The following ADAMTS14 variants were observed in gnomAD, a reference collection of about 807,000 sequenced individuals.
The protein encoded by ADAMTS14 is A disintegrin and metalloproteinase with thrombospondin motifs 14.
A neutral mutation model predicts 128.6 loss-of-function variants in ADAMTS14; 100 were observed. That is an observed-to-expected ratio of 0.78 (90% confidence interval 0.66 to 0.92). ADAMTS14 has a LOEUF of 0.92. Among genes scored for constraint, ADAMTS14 ranks in the 40% least tolerant of loss-of-function variants. The pLI is 0.00. For synonymous variants in ADAMTS14, 665 were observed against 653.8 expected (o/e 1.02, Z -0.26); for missense variants, 1,562 against 1,658.6 (o/e 0.94, Z 1.01).
At chr10:70,744,023 G>A (rs1842091783) in intron 13 of ADAMTS14, 43 bp from the exon 14 acceptor site, 2 of 1,548,148 alleles carry the variant, frequency 1.3e-6, no homozygotes, top group Non-Finnish European at 1.7e-6. Flanking sequence ...GTGGCGGTGG[G>A]GGCAGGGGAG....
At chr10:70,735,583 G>T (rs984247079) in intron 9 of ADAMTS14, among the ~76,000 whole-genome samples, 1 of 152,240 alleles carries the variant, frequency 6.6e-6, no homozygotes, top group Non-Finnish European at 1.5e-5. Flanking sequence ...CTGCAAGGGA[G>T]CCCAGGTTCC....
intron 16 of ADAMTS14, 47 bp from the exon 17 acceptor site, chr10:70,751,431 C>T: frequency 3.8e-6 from 6 of 1,575,630 alleles, no homozygotes; most frequent in Non-Finnish European, 5.2e-6. Flanking sequence ...TGCATGCCGC[C>T]CTTGCTTCTT....
At chr10:70,753,208 G>A (rs566338138) in intron 18 of ADAMTS14, among the ~76,000 whole-genome samples, 19 of 152,288 alleles carry the variant, frequency 1.2e-4, no homozygotes, top group African/African-American at 4.3e-4. Flanking sequence ...GAGCAGTTTC[G>A]TTTCCTCTAA....
At chr10:70,725,677 C>G (rs748327237) in intron 4 of ADAMTS14, among the ~76,000 whole-genome samples, 1 of 152,192 alleles carries the variant, frequency 6.6e-6, no homozygotes, top group Non-Finnish European at 1.5e-5. Flanking sequence ...AATGCCCTAT[C>G]TCCTAATACC....
At chr10:70,747,212 G>A (rs1264984655) in intron 15 of ADAMTS14, among the ~76,000 whole-genome samples, 1 of 152,082 alleles carries the variant, frequency 6.6e-6, no homozygotes, top group African/African-American at 2.4e-5. Context: ...ATTCTTGAAG[G>A]CATCTGAAAG....
intron 2 of ADAMTS14, 76 bp downstream of exon 2, chr10:70,675,071 G>A (rs1413288866): frequency 6.5e-7 from 1 of 1,537,424 alleles, no homozygotes; most frequent in Non-Finnish European, 8.8e-7. Context: ...GATTGCTATG[G>A]GCATGTTTTG....
At chr10:70,711,703 G>A (rs949971147) in intron 4 of ADAMTS14, among the ~76,000 whole-genome samples, 2 of 152,212 alleles carry the variant, frequency 1.3e-5, no homozygotes, top group East Asian at 3.8e-4. Context: ...TCCCTGAGGG[G>A]AGGGGCTTTT....
In ADAMTS14 at chr10:70,753,908, C is replaced by T. The variant is rs535168514; in HGVS notation, c.2838C>T (p.Val946=). 6 of 1,591,386 alleles carry T rather than the reference C, an allele frequency of 3.8e-6. No homozygotes were observed. In the Admixed American group the frequency reaches 8.9e-5, roughly 24 times the overall value. The change falls in exon 19 of 22, where the codon GTC becomes GTT. Residue 946 remains valine, a synonymous_variant. Transcript: ENST00000373207. ...LLPLSNGTHK[V]MPAKACAGDR... ...CCCTCTCCAATGGAACCCACAAGGT[C>T]ATGCCGGCCAAAGCCTGCGCCGGGG...
chr10:70,745,217 G>A lies in ADAMTS14; in HGVS notation c.2183-9G>A, dbSNP rs1250202491. 9.9e-6 allele frequency: 16 copies of A among 1,610,064 alleles called. No homozygotes were observed. The highest frequency in any genetic ancestry group is 4.5e-5 in the East Asian group (2 of 44,836). ...ATGCTCACGACTTCTGGATCCCTGT[G>A]TGTGGCAGGAGCTCTCAAGCTGGTG... On this transcript the variant is annotated splice_polypyrimidine_tract_variant and intron_variant, in intron 14 of 21. Transcript: ENST00000373207.
At chr10:70,748,168 G>A (rs1379916991) in intron 15 of ADAMTS14, among the ~76,000 whole-genome samples, 1 of 152,214 alleles carries the variant, frequency 6.6e-6, no homozygotes, top group Non-Finnish European at 1.5e-5. Flanking sequence ...GCAGTTAAAG[G>A]AAACTGAGGC....
intron 15 of ADAMTS14, among the ~76,000 whole-genome samples, chr10:70,747,223 G>A (rs1842204746): frequency 6.6e-6 from 1 of 152,070 alleles, no homozygotes; most frequent in Admixed American, 6.5e-5. Flanking sequence ...CATCTGAAAG[G>A]GCATTGTCCC....
chr10:70,735,031 G>A, intron 8 of ADAMTS14, 138 bp from the exon 9 acceptor site: 1 of 1,147,404 alleles, frequency 8.7e-7, no homozygotes, highest in Non-Finnish European at 1.2e-6. Flanking sequence ...CGTCCTCCCT[G>A]GAAGAGACAG....
intron 2 of ADAMTS14, among the ~76,000 whole-genome samples, chr10:70,687,709 A>G (rs866953691): frequency 0.023 from 243 of 10,618 alleles, no homozygotes; most frequent in African/African-American, 0.053. Flanking sequence ...CCTCCCTCCC[A>G]GACGGGGCGG....
chr10:70,694,224 C>T (rs184844966), intron 2 of ADAMTS14, among the ~76,000 whole-genome samples: 3 of 152,302 alleles, frequency 2.0e-5, no homozygotes, highest in East Asian at 3.9e-4. Context: ...ACATGCGTGT[C>T]GTCTCTGCAT....
At chr10:70,705,109 G>A (rs559228510) in intron 3 of ADAMTS14, among the ~76,000 whole-genome samples, 5 of 152,130 alleles carry the variant, frequency 3.3e-5, no homozygotes, top group African/African-American at 1.2e-4. Flanking sequence ...ATGAGCCCCA[G>A]AGAAGAGTTA....
rs200431906 is a variant in ADAMTS14 at position 70,753,788 on chromosome 10, C to G, written c.2730-12C>G. ...CTTGGTCTCACCTCCTCTCCTTTCA[C>G]CCTGTTTCCAGGTGGGTGACGGAGG... On this transcript the variant is annotated splice_polypyrimidine_tract_variant and intron_variant, in intron 18 of 21. Coordinates refer to ENST00000373207, the MANE Select transcript of ADAMTS14 (RefSeq NM_080722.4). The G allele has an allele frequency of 6.4e-6, 10 of 1,556,646 alleles. No homozygotes were observed. In the South Asian group the frequency reaches 7.2e-5, roughly 11 times the overall value.
chr10:70,674,977 C>T lies in ADAMTS14; in HGVS notation c.504C>T (p.Ile168=). 1 of 1,612,628 alleles carries T rather than the reference C, an allele frequency of 6.2e-7. No homozygotes were observed. The highest frequency in any genetic ancestry group is 1.3e-5 in the African/African-American group (1 of 75,074). Residue 168 remains isoleucine, a synonymous_variant, in exon 2 of 22, where the codon ATC becomes ATT. Transcript: ENST00000373207. The part of the protein sequence containing the change: ...VTGMPGAAVA[I]SNCDGLAGLI... The stretch of plus-strand genomic sequence containing the variant: ...GAATGCCTGGGGCAGCTGTTGCCAT[C>T]AGCAACTGTGACGGATTGGTAAGGG...
intron 4 of ADAMTS14, among the ~76,000 whole-genome samples, chr10:70,727,744 G>A (rs181160878): frequency 9.1e-4 from 138 of 152,250 alleles, no homozygotes; most frequent in South Asian, 3.7e-3. Context: ...CCCTGATGGC[G>A]GCAGTGGCAT....
chr10:70,734,125 C>G, intron 8 of ADAMTS14, 97 bp downstream of exon 8: 1 of 1,479,798 alleles, frequency 6.8e-7, no homozygotes, highest in Non-Finnish European at 9.1e-7. Context: ...CACGTTGCCC[C>G]TGGCTTGACT....
Sources: allele counts gnomAD v4.1 joint callset (sites outside exome capture counted in the v4.1 genomes callset), GRCh38; gene constraint gnomAD v4.1.1; transcripts MANE v1.5; gene names NCBI Gene and HGNC (gene_info 2026-07-23, HGNC 2026-07-21).